WDR86: variants seen among roughly 807,000 people sequenced by gnomAD.
WDR86 encodes WD repeat domain 86.
In WDR86, 30 loss-of-function variants were observed where a neutral mutation model predicts 36.5. The ratio of observed to expected loss-of-function variants is 0.82; its 90% CI spans 0.61 to 1.11. The LOEUF (loss-of-function observed/expected upper bound fraction) is 1.11. WDR86 is among the 50% of genes most tolerant of loss of function. The pLI is 0.00. For missense variants in WDR86, 545 were observed against 561.2 expected, an observed-to-expected ratio of 0.97 and a Z score of 0.29; for synonymous variants, 255 against 252.9, an observed-to-expected ratio of 1.01 and a Z score of -0.08.
chr7:151,380,298 C>T (rs113609004), downstream of WDR86, among the ~76,000 whole-genome samples: 3 of 152,310 alleles, frequency 2.0e-5, no homozygotes, highest in African/African-American at 4.8e-5. Context: ...CGCCCGAGGG[C>T]GGACCCGCCC....
chr7:151,384,213 C>T (rs978783550), intron 4 of WDR86, among the ~76,000 whole-genome samples: 2 of 152,220 alleles, frequency 1.3e-5, no homozygotes, highest in Admixed American at 6.5e-5. Context: ...GAGAGTGTGA[C>T]AAGTTGAGAC....
At chr7:151,379,938 G>T (rs543676352), downstream of WDR86, among the ~76,000 whole-genome samples, 1 of 151,986 alleles carries the variant, frequency 6.6e-6, no homozygotes, top group Non-Finnish European at 1.5e-5. Flanking sequence ...CACTCAAGGC[G>T]GTTCTCTGGC....
chr7:151,392,861 G>A (rs1799532781), intron 3 of WDR86, among the ~76,000 whole-genome samples: 1 of 152,114 alleles, frequency 6.6e-6, no homozygotes, highest in South Asian at 2.1e-4. Flanking sequence ...GCATTCCTAG[G>A]GGGTCTCAGC....
exon 2 of WDR86, chr7:151,375,984 G>C: frequency 7.4e-7 from 1 of 1,348,448 alleles, no homozygotes; most frequent in Non-Finnish European, 1.1e-6. Context: ...GGACAGCCTC[G>C]GGTGGGGTTG....
rs1443411988 is a variant in WDR86, at chr7:151,381,153, C to T, written c.*429G>A. The T allele has an allele frequency of 1.6e-6, 2 of 1,241,306 alleles. No individual in the cohort carries two copies. The highest frequency in any genetic ancestry group is 6.3e-5 in the East Asian group (2 of 31,704). 76.9% of individuals were successfully genotyped at this position (1,241,306 alleles called of 1,614,324 possible). A position where few individuals can be genotyped will look rare whatever the true frequency, so the allele number is the denominator to read the frequency against. Reference sequence around the variant, plus strand: ...AACGTTCAGGCTGTATATTTCAGTTCCCCCCAAGGCCCTCGAGACGGACGA... The same window carrying T: ...AACGTTCAGGCTGTATATTTCAGTTTCCCCCAAGGCCCTCGAGACGGACGA... On this transcript the variant is annotated 3_prime_UTR_variant, in exon 6 of 6. Transcript: ENST00000334493. The surrounding 1 kb of genome is among the most constrained non-coding windows in gnomAD (Gnocchi z 4.8).
chr7:151,389,722 G>A (rs1408379404), intron 3 of WDR86, among the ~76,000 whole-genome samples: 1 of 152,148 alleles, frequency 6.6e-6, no homozygotes, highest in African/African-American at 2.4e-5. Flanking sequence ...AGGCCTGTAC[G>A]CATAGGAGAA....
chr7:151,370,194 C>G, the WDR86 span, among the ~76,000 whole-genome samples: 1 of 151,718 alleles, frequency 6.6e-6, no homozygotes, highest in African/African-American at 2.4e-5. Context: ...TCAAGTGATT[C>G]TTCTGCCTTA....
At chr7:151,371,357 A>ACCACCC (rs1797947281), downstream of WDR86, among the ~76,000 whole-genome samples, 1 of 85,516 alleles carries the variant, frequency 1.2e-5, no homozygotes. Flanking sequence ...TCTGTCTTTT[A>ACCACCC]CCCCCACCCC....
Position 151,395,858 on chromosome 7 carries a change from G to C in WDR86, c.644C>G (p.Ala215Gly). ...GHTAFTGSTD[A>G]TIRAWDILSG... ...CAGGATGTCCCAGGCACGGATGGTG[G>C]CGTCGGTGCTGCCTGTGAAGGCCGT... Residue 215 changes from alanine (A) to glycine (G), a missense_variant, in exon 3 of 6, where the codon GCC becomes GGC. Transcript: ENST00000334493. 1.3e-6 allele frequency: 2 copies of C among 1,593,698 alleles called. No individual in the cohort carries two copies. Among genetic ancestry groups the C allele is most frequent in the Non-Finnish European group, 1.7e-6 (2 of 1,172,238 alleles).
chr7:151,374,753 T>A (rs2302129), downstream of WDR86: 52,990 of 168,126 alleles, frequency 0.32, 9,671 homozygotes, highest in East Asian at 0.42. Flanking sequence ...CTTCCTTCCC[T>A]GTGTTGGAGA....
intron 3 of WDR86, among the ~76,000 whole-genome samples, chr7:151,387,344 C>A (rs1434110933): frequency 6.6e-6 from 1 of 152,170 alleles, no homozygotes; most frequent in Non-Finnish European, 1.5e-5. Flanking sequence ...CCACACAGGG[C>A]CTGTGAGCAC....
chr7:151,385,100 G>T lies in WDR86; in HGVS notation c.850C>A (p.His284Asn). 1.2e-6 allele frequency: 2 copies of T among 1,605,026 alleles called. No individual in the cohort carries two copies. The highest frequency in any genetic ancestry group is 1.7e-6 in the Non-Finnish European group (2 of 1,174,766). The change falls in exon 4 of 6, where the codon CAC becomes AAC. Residue 284 changes from histidine (H) to asparagine (N), a missense_variant. By Grantham distance (68) the His-to-Asn change is moderately conservative. Transcript: ENST00000334493. ...HRRNVSALKY[H>N]AGTLFTGSGD... ...CCAAGTCACTTACAGGTGCCCGCGT[G>T]GTACTTGAGGGCGCTCACGTTGCGT...
chr7:151,396,093 G>A lies in WDR86; in HGVS notation c.409C>T (p.Arg137Cys), dbSNP rs749548646. ...GQMSREFRGH[R>C]NCVLTLAYSA... ...TAGGCTAGGGTCAGCACGCAGTTGC[G>A]GTGGCCCCGGAACTCCCGGGACATC... The change falls in exon 3 of 6, where the codon CGC becomes TGC. Residue 137 changes from arginine to cysteine, a missense_variant. Coordinates refer to ENST00000334493, the MANE Select transcript of WDR86 (RefSeq NM_198285.3). The A allele has an allele frequency of 1.9e-5, 30 of 1,612,646 alleles. No homozygotes were observed. The highest frequency in any genetic ancestry group is 2.7e-5 in the African/African-American group (2 of 74,912).
chr7:151,392,588 G>A (rs1799515532), intron 3 of WDR86, among the ~76,000 whole-genome samples: 1 of 152,112 alleles, frequency 6.6e-6, no homozygotes, highest in South Asian at 2.1e-4. Context: ...CATCCCACGA[G>A]CCTGGCTCCC....
intron 4 of WDR86, among the ~76,000 whole-genome samples, chr7:151,382,730 A>T (rs1041749697): frequency 6.6e-6 from 1 of 152,116 alleles, no homozygotes; most frequent in Non-Finnish European, 1.5e-5. Context: ...TCCGAAGCCG[A>T]CCCTGATGCT....
intron 1 of WDR86, among the ~76,000 whole-genome samples, chr7:151,407,796 G>A (rs1212612979): frequency 2.0e-5 from 3 of 152,130 alleles, no homozygotes; most frequent in African/African-American, 4.8e-5. Context: ...AGCCAAGATC[G>A]TGCCACTGCA....
At chr7:151,384,705 T>C (rs7778047) in intron 4 of WDR86, among the ~76,000 whole-genome samples, 70,371 of 152,124 alleles carry the variant, frequency 0.46, 18,023 homozygotes, top group Non-Finnish European at 0.57. Flanking sequence ...CTGGATTTTC[T>C]CTTCTCTGCA....
intron 3 of WDR86, among the ~76,000 whole-genome samples, chr7:151,385,934 C>A (rs1181692695): frequency 1.3e-5 from 2 of 152,170 alleles, no homozygotes; most frequent in Non-Finnish European, 1.5e-5. Context: ...CACCACCCAG[C>A]CAAGAGCACT....
At chr7:151,368,992 G>A in the WDR86 span, 3 of 1,221,666 alleles carry the variant, frequency 2.5e-6, no homozygotes, top group East Asian at 8.5e-5. Context: ...TCCAGATTGG[G>A]AAGGAAGGAG....
Sources: gnomAD v4.1 joint callset for allele counts (sites outside exome capture counted in the v4.1 genomes callset) on GRCh38, gnomAD v4.1.1 for gene constraint, Gnocchi (gnomAD v3.1) non-coding constraint, MANE v1.5 for transcripts, NCBI Gene and HGNC (gene_info 2026-07-23, HGNC 2026-07-21) for gene names.